The following SNX18 variants were observed in gnomAD, a reference collection of about 807,000 sequenced individuals.
The protein encoded by SNX18 is sorting nexin 18.
In SNX18, 35 loss-of-function variants were observed where a neutral mutation model predicts 48.7. The ratio of observed to expected loss-of-function variants is 0.72; its 90% CI spans 0.55 to 0.95. SNX18 has a LOEUF of 0.95. SNX18 is among the 40% of genes least tolerant of loss of function. The pLI is 0.00. For synonymous variants in SNX18, 492 were observed against 384.7 expected (o/e 1.28, Z -3.26); for missense variants, 824 against 871.0 (o/e 0.95, Z 0.68).
At chr5:54,615,866 T>C in the SNX18 span, among the ~76,000 whole-genome samples, 1 of 152,224 alleles carries the variant, frequency 6.6e-6, no homozygotes, top group African/African-American at 2.4e-5. Context: ...ATTAACATGA[T>C]GAAAGTTAGA....
the SNX18 span, among the ~76,000 whole-genome samples, chr5:54,553,610 A>G: frequency 1.5e-3 from 232 of 152,344 alleles, 1 homozygote; most frequent in African/African-American, 5.2e-3. Flanking sequence ...CTCAGATAAT[A>G]ATTTTATTTA....
rs542431608 is a variant in SNX18, at chr5:54,535,612, T to TGAG, written c.1622-7564_1622-7562dup. Among the ~76,000 whole-genome samples, 83 of 152,250 alleles carry TGAG rather than the reference T, an allele frequency of 5.5e-4. 1 individual carries two copies. Among genetic ancestry groups the TGAG allele is most frequent in the Admixed American group, 5.1e-3 (78 of 15,296 alleles). Reference sequence around the variant, plus strand: ...CAAAGAGGGTAATAGGTCTCCTGAATGAGGATGCCCTGCTTGGAAGGGAGA... The same window carrying TGAG: ...CAAAGAGGGTAATAGGTCTCCTGAATGAGGAGGATGCCCTGCTTGGAAGGGAGA... On this transcript the variant is annotated intron_variant, in intron 1 of 1. Transcript: ENST00000381410.
chr5:54,617,982 C>T, the SNX18 span, among the ~76,000 whole-genome samples: 1 of 152,134 alleles, frequency 6.6e-6, no homozygotes, highest in Admixed American at 6.6e-5. Flanking sequence ...AGGGGAACAG[C>T]ATTCCAGGGT....
the SNX18 span, among the ~76,000 whole-genome samples, chr5:54,639,998 C>A: frequency 3.3e-5 from 5 of 152,096 alleles, no homozygotes; most frequent in African/African-American, 1.2e-4. Context: ...TGTTGGGGAT[C>A]CAGTTAGAAA....
At chr5:54,543,138 G>A (rs1762504272) in intron 1 of SNX18, 41 bp from the exon 2 acceptor site, 1 of 1,579,080 alleles carries the variant, frequency 6.3e-7, no homozygotes, top group Admixed American at 1.8e-5. Context: ...TGGGATATGT[G>A]GATATATAGG....
the SNX18 span, among the ~76,000 whole-genome samples, chr5:54,563,830 T>C: frequency 7.2e-5 from 11 of 152,218 alleles, no homozygotes; most frequent in Admixed American, 5.9e-4. Context: ...AGCTCTTTTC[T>C]GCAGCTGAAC....
At chr5:54,600,621 A>AT in the SNX18 span, among the ~76,000 whole-genome samples, 1 of 152,220 alleles carries the variant, frequency 6.6e-6, no homozygotes, top group African/African-American at 2.4e-5. Flanking sequence ...AATGTGGTAT[A>AT]AATATACCAT....
At chr5:54,571,146 C>T in the SNX18 span, among the ~76,000 whole-genome samples, 1 of 151,374 alleles carries the variant, frequency 6.6e-6, no homozygotes, top group African/African-American at 2.4e-5. Flanking sequence ...TTCTCAAGTT[C>T]AGTTTTCTGT....
chr5:54,524,320 T>A (rs1001586359), intron 1 of SNX18, among the ~76,000 whole-genome samples: 1 of 152,182 alleles, frequency 6.6e-6, no homozygotes, highest in Admixed American at 6.5e-5. Flanking sequence ...ACTTCTTTTT[T>A]GAGCCACATA....
chr5:54,517,788 A>C lies in SNX18; in HGVS notation c.-165A>C. Reference sequence around the variant, plus strand: ...GGCGCTGCGAAGTGGAGGCGCTGCGAGCGGAGCCGCGCGGAGGGCGCGACC... The same window carrying C: ...GGCGCTGCGAAGTGGAGGCGCTGCGCGCGGAGCCGCGCGGAGGGCGCGACC... On this transcript the variant is annotated 5_prime_UTR_variant, in exon 1 of 2. Coordinates refer to ENST00000381410, the MANE Select transcript of SNX18 (RefSeq NM_001102575.2). 1.7e-6 allele frequency: 1 copy of C among 584,254 alleles called. No homozygotes were observed. The highest frequency in any genetic ancestry group is 2.5e-6 in the Non-Finnish European group (1 of 403,502). The allele number at this position is 584,254 out of a possible 1,614,324, so 36.2% of individuals were successfully genotyped here.
chr5:54,626,240 G>A, the SNX18 span, among the ~76,000 whole-genome samples: 2 of 152,230 alleles, frequency 1.3e-5, no homozygotes, highest in Non-Finnish European at 2.9e-5. Flanking sequence ...GGTGTGATTG[G>A]AGTGATGATA....
chr5:54,569,010 T>C, the SNX18 span, among the ~76,000 whole-genome samples: 38 of 152,114 alleles, frequency 2.5e-4, no homozygotes, highest in East Asian at 1.7e-3. Context: ...ACCCAGCTAA[T>C]TTTTGCATTT....
chr5:54,551,472 G>T (rs1266550588), downstream of SNX18, among the ~76,000 whole-genome samples: 1 of 152,152 alleles, frequency 6.6e-6, no homozygotes, highest in African/African-American at 2.4e-5. Flanking sequence ...ATGGCATTTT[G>T]CAACTAATTA....
chr5:54,519,938 A>G, intron 1 of SNX18: 1 of 950,126 alleles, frequency 1.1e-6, no homozygotes, highest in South Asian at 1.7e-5. Context: ...CTGTTTGAAC[A>G]CTGCACTGTC....
chr5:54,627,068 G>C, the SNX18 span, among the ~76,000 whole-genome samples: 12,647 of 152,224 alleles, frequency 0.083, 584 homozygotes, highest in African/African-American at 0.12. Flanking sequence ...TGTTCTCATA[G>C]AGCAATGTCC....
At chr5:54,593,582 G>A in the SNX18 span, among the ~76,000 whole-genome samples, 1 of 152,208 alleles carries the variant, frequency 6.6e-6, no homozygotes, top group Non-Finnish European at 1.5e-5. Flanking sequence ...GAACCTGGAA[G>A]AGCCAAAACA....
rs1259645822 is a variant in SNX18 at position 54,518,149 on chromosome 5, C to T, written c.197C>T (p.Pro66Leu). 7.9e-6 allele frequency: 11 copies of T among 1,394,648 alleles called. No homozygotes were observed. Among genetic ancestry groups the T allele is most frequent in the Admixed American group, 3.6e-5 (1 of 27,732 alleles). 86.4% of individuals were successfully genotyped at this position (1,394,648 alleles called of 1,614,324 possible). A position where few individuals can be genotyped will look rare whatever the true frequency, so the allele number is the denominator to read the frequency against. The change falls in exon 1 of 2, where the codon CCG (proline) becomes CTG (leucine). Residue 66 changes from proline to leucine, a missense_variant. By Grantham distance (98) the Pro-to-Leu change is moderately conservative. This residue lies in a region of SNX18 where 377 missense variants were observed against 350.6 expected (regional missense o/e 1.08). Coordinates refer to ENST00000381410, the MANE Select transcript of SNX18 (RefSeq NM_001102575.2). The part of the protein sequence containing the change: ...VQVIRAPEPG[P>L]AGDGGPGAPA... ...GTGATCCGCGCCCCCGAGCCTGGCC[C>T]GGCGGGAGACGGCGGCCCGGGCGCC...
chr5:54,607,165 C>G, the SNX18 span, among the ~76,000 whole-genome samples: 1 of 152,168 alleles, frequency 6.6e-6, no homozygotes, highest in Non-Finnish European at 1.5e-5. Flanking sequence ...TTATACCCCA[C>G]TCTTCTCATT....
At chr5:54,556,517 C>A in the SNX18 span, among the ~76,000 whole-genome samples, 1 of 152,208 alleles carries the variant, frequency 6.6e-6, no homozygotes, top group Non-Finnish European at 1.5e-5. Context: ...ATTGGGTCCA[C>A]CTGGTATAAT....
Sources: gnomAD v4.1 joint callset for allele counts (sites outside exome capture counted in the v4.1 genomes callset) on GRCh38, gnomAD v4.1.1 for gene constraint, gnomAD v4.1.1 regional missense constraint, MANE v1.5 for transcripts, NCBI Gene and HGNC (gene_info 2026-07-23, HGNC 2026-07-21) for gene names.